The following CTNNA1 variants were observed in gnomAD, a reference collection of about 807,000 sequenced individuals.
CTNNA1 encodes the protein catenin alpha 1, also known as catenin alpha-1.
A neutral mutation model predicts 98.4 loss-of-function variants in CTNNA1; 37 were observed. The observed-to-expected ratio is 0.38, with a 90% CI of 0.29 to 0.49. The LOEUF (loss-of-function observed/expected upper bound fraction) is 0.49, where lower values mean the gene tolerates loss of function less well. CTNNA1 is among the 20% of genes least tolerant of loss of function. The pLI, the probability that CTNNA1 is intolerant of heterozygous loss-of-function variation, is 0.95. For missense variants in CTNNA1, 761 were observed against 1,147.2 expected (o/e 0.66, Z 4.86); for synonymous variants, 404 against 413.2 (o/e 0.98, Z 0.27).
At chr5:138,872,437 A>G (rs1471738393) in intron 7 of CTNNA1, 2 of 152,534 alleles carry the variant, frequency 1.3e-5, no homozygotes, top group Admixed American at 6.5e-5. Flanking sequence ...GATAATATCT[A>G]CTAACCCAGG....
At chr5:138,872,027 A>AGTGTGTGTGTGTGTGTGTGTGTGT (rs370259988) in intron 7 of CTNNA1, 1 of 133,066 alleles carries the variant, frequency 7.5e-6, no homozygotes, top group Non-Finnish European at 1.6e-5. Context: ...AGAGCGCGAG[A>AGTGTGTGTGTGTGTGTGTGTGTGT]GTGTGTGTGT....
At chr5:138,816,467 G>A (rs1759442424) in intron 5 of CTNNA1, among the ~76,000 whole-genome samples, 1 of 152,076 alleles carries the variant, frequency 6.6e-6, no homozygotes, top group Admixed American at 6.6e-5. Context: ...TTCCATAATG[G>A]CTGTACTGAT....
At chr5:138,815,835 C>T (rs1358584606) in intron 5 of CTNNA1, among the ~76,000 whole-genome samples, 2 of 152,092 alleles carry the variant, frequency 1.3e-5, no homozygotes, top group Non-Finnish European at 2.9e-5. Flanking sequence ...GTTGTGGGCT[C>T]CTGTGTACCC....
chr5:138,779,171 G>A (rs964404629), intron 1 of CTNNA1, among the ~76,000 whole-genome samples: 10 of 152,100 alleles, frequency 6.6e-5, no homozygotes, highest in Non-Finnish European at 1.5e-4. Context: ...GAACCACCAT[G>A]CCTGGCCAGT....
intron 7 of CTNNA1, chr5:138,870,942 C>T (rs138156053): frequency 2.0e-5 from 3 of 152,242 alleles, no homozygotes; most frequent in Admixed American, 6.5e-5. Flanking sequence ...ACTCACCACT[C>T]GAGATCAACT....
intron 1 of CTNNA1, among the ~76,000 whole-genome samples, chr5:138,770,638 T>C (rs1753437671): frequency 6.6e-6 from 1 of 152,078 alleles, no homozygotes. Flanking sequence ...ACTATTAGAT[T>C]TTCGCTCAGA....
At chr5:138,885,661 A>C (rs1375307747) in intron 7 of CTNNA1, among the ~76,000 whole-genome samples, 1 of 152,154 alleles carries the variant, frequency 6.6e-6, no homozygotes, top group Admixed American at 6.5e-5. Flanking sequence ...GATTTTTTTA[A>C]AGTGACCAAA....
chr5:138,869,050 C>T (rs961993749), intron 7 of CTNNA1: 1 of 150,268 alleles, frequency 6.7e-6, no homozygotes, highest in Non-Finnish European at 1.5e-5. Flanking sequence ...CATCTGCCCA[C>T]CTCCCACCCA....
intron 7 of CTNNA1, among the ~76,000 whole-genome samples, chr5:138,863,741 G>T (rs1288524433): frequency 3.3e-5 from 5 of 152,220 alleles, no homozygotes; most frequent in African/African-American, 1.2e-4. Flanking sequence ...TCGCAAGGCT[G>T]ATTGAGGTGG....
chr5:138,856,075 AG>A (rs1763698217), intron 7 of CTNNA1, among the ~76,000 whole-genome samples: 1 of 152,190 alleles, frequency 6.6e-6, no homozygotes, highest in Admixed American at 6.5e-5. Context: ...ATAACCCTCA[AG>A]ATGTCATTTC....
chr5:138,793,202 A>G (rs1451954494), intron 3 of CTNNA1, among the ~76,000 whole-genome samples: 1 of 152,254 alleles, frequency 6.6e-6, no homozygotes, highest in Non-Finnish European at 1.5e-5. Context: ...TAAATTCTGA[A>G]AAATCATTAG....
chr5:138,895,249 G>C (rs1350316548), intron 9 of CTNNA1, among the ~76,000 whole-genome samples: 3 of 152,176 alleles, frequency 2.0e-5, no homozygotes, highest in Non-Finnish European at 2.9e-5. Flanking sequence ...CCAAGATTCT[G>C]ATTTAGTGGG....
chr5:138,897,962 T>TG (rs1395095334), intron 9 of CTNNA1, among the ~76,000 whole-genome samples: 7 of 152,192 alleles, frequency 4.6e-5, no homozygotes, highest in Non-Finnish European at 1.0e-4. Flanking sequence ...AGAAAAGAGA[T>TG]GCAGTTTGGA....
chr5:138,773,566 A>G (rs1409940793), intron 1 of CTNNA1, among the ~76,000 whole-genome samples: 1 of 152,170 alleles, frequency 6.6e-6, no homozygotes, highest in Non-Finnish European at 1.5e-5. Context: ...TGCTTGCATT[A>G]TGGTTATTGA....
intron 3 of CTNNA1, among the ~76,000 whole-genome samples, chr5:138,794,148 G>C (rs1422648436): frequency 6.6e-6 from 1 of 151,662 alleles, no homozygotes; most frequent in African/African-American, 2.4e-5. Context: ...CTCCCAAGTA[G>C]CTGGGATTGC....
chr5:138,811,690 C>T (rs1220946773), intron 4 of CTNNA1, among the ~76,000 whole-genome samples: 3 of 151,956 alleles, frequency 2.0e-5, no homozygotes, highest in Non-Finnish European at 2.9e-5. Flanking sequence ...CCGAGGCTGG[C>T]GGATCACTCG....
chr5:138,764,420 GT>G (rs1165675366), intron 1 of CTNNA1, among the ~76,000 whole-genome samples: 1 of 151,912 alleles, frequency 6.6e-6, no homozygotes, highest in Non-Finnish European at 1.5e-5. Context: ...TGAAATGTGA[GT>G]TTGATCCCTT....
At chr5:138,803,722 C>T (rs1005537405) in intron 3 of CTNNA1, among the ~76,000 whole-genome samples, 1 of 152,154 alleles carries the variant, frequency 6.6e-6, no homozygotes, top group African/African-American at 2.4e-5. Context: ...TCAAGGAGGC[C>T]TACCTTGATC....
intron 1 of CTNNA1, among the ~76,000 whole-genome samples, chr5:138,755,755 G>A (rs1029906723): frequency 9.3e-5 from 14 of 151,246 alleles, no homozygotes; most frequent in Admixed American, 5.3e-4. Context: ...AACTCAAGGT[G>A]TCCAAAGTGG....
Sources: gnomAD v4.1 joint callset for allele counts (sites outside exome capture counted in the v4.1 genomes callset) on GRCh38, gnomAD v4.1.1 for gene constraint, MANE v1.5 for transcripts, NCBI Gene and HGNC (gene_info 2026-07-23, HGNC 2026-07-21) for gene names.